WNT5A: variants seen among roughly 807,000 people sequenced by gnomAD.
WNT5A encodes the protein Wnt family member 5A.
WNT5A carries 9 observed loss-of-function variants against 42.1 expected under a neutral mutation model. That is an observed-to-expected ratio of 0.21 (90% CI 0.13 to 0.37). The LOEUF (loss-of-function observed/expected upper bound fraction) is 0.37. Among genes scored for constraint, WNT5A ranks in the 10% least tolerant of loss-of-function variants. WNT5A has a pLI of 1.00. For synonymous variants in WNT5A, 210 were observed against 210.0 expected (o/e 1.00, Z 0.00); for missense variants, 426 against 534.0 (o/e 0.80, Z 1.99).
At chr3:55,500,813 G>A in the WNT5A span, among the ~76,000 whole-genome samples, 16 of 152,322 alleles carry the variant, frequency 1.1e-4, no homozygotes, top group South Asian at 3.1e-3. Flanking sequence ...GTGATGACAA[G>A]TTCTGCTTTC....
the WNT5A span, among the ~76,000 whole-genome samples, chr3:55,499,990 AAAAAATT>A: frequency 2.0e-5 from 3 of 151,746 alleles, no homozygotes; most frequent in African/African-American, 7.3e-5. Flanking sequence ...CAAAAAAAAA[AAAAAATT>A]AAATTAAATT....
chr3:55,486,922 T>C, intron 1 of WNT5A, 58 bp downstream of exon 1: 4 of 1,401,572 alleles, frequency 2.9e-6, no homozygotes, highest in Non-Finnish European at 3.0e-6. Context: ...CTCAGTTAAC[T>C]TCCAACAGGG....
Position 55,483,071 on chromosome 3 carries a change from G to C in WNT5A, c.7-2153C>G, listed in dbSNP as rs1200102179. Among the ~76,000 whole-genome samples the C allele has an allele frequency of 1.3e-5, 2 of 152,180 alleles. No individual in the cohort carries two copies. Among genetic ancestry groups the C allele is most frequent in the East Asian group, 3.9e-4 (2 of 5,178 alleles). ...CAGCAGAGAAATTGATAACAGATTC[G>C]GCGGATTACAGCGGATCTCTTTGTT... On this transcript the variant is annotated intron_variant, in intron 1 of 4. Transcript: ENST00000264634. The surrounding 1 kb of genome is among the most constrained non-coding windows in gnomAD (Gnocchi z 4.2).
intron 4 of WNT5A, among the ~76,000 whole-genome samples, chr3:55,471,083 G>A (rs2051242242): frequency 6.6e-6 from 1 of 152,214 alleles, no homozygotes; most frequent in Non-Finnish European, 1.5e-5. Context: ...CAGCCGGTAA[G>A]TGCAGAATTG....
At chr3:55,496,298 G>A in the WNT5A span, among the ~76,000 whole-genome samples, 1 of 152,094 alleles carries the variant, frequency 6.6e-6, no homozygotes, top group Non-Finnish European at 1.5e-5. Context: ...ATCTATATGT[G>A]TCCATTAAGG....
intron 4 of WNT5A, among the ~76,000 whole-genome samples, chr3:55,473,376 G>T (rs1238856454): frequency 6.6e-6 from 1 of 152,134 alleles, no homozygotes; most frequent in Non-Finnish European, 1.5e-5. Context: ...AAAAAATAAT[G>T]GCCCTGGTTT....
intron 2 of WNT5A, 110 bp downstream of exon 2, chr3:55,480,675 C>A: frequency 8.6e-7 from 1 of 1,164,700 alleles, no homozygotes; most frequent in Non-Finnish European, 1.1e-6. Context: ...ATATGTCTTG[C>A]AATAAATACA....
chr3:55,471,402 A>C (rs2051249538), intron 4 of WNT5A, among the ~76,000 whole-genome samples: 1 of 152,124 alleles, frequency 6.6e-6, no homozygotes, highest in Admixed American at 6.5e-5. Context: ...AGCAACATAG[A>C]TTGTGTTCCT....
chr3:55,470,406 G>C lies in WNT5A; in HGVS notation c.829C>G (p.Arg277Gly). The C allele has an allele frequency of 6.2e-7, 1 of 1,613,102 alleles. No homozygotes were observed. Among genetic ancestry groups the C allele is most frequent in the Non-Finnish European group, 8.5e-7 (1 of 1,179,524 alleles). The part of the protein sequence containing the change: ...KEKYDSAAAM[R>G]LNSRGKLVQV... ...ACCAACTTGCCCCGGCTGTTGAGCC[G>C]CATGGCCGCCGCGCTGTCGTACTTC... is the stretch of plus-strand genomic sequence containing the variant. Residue 277 changes from arginine (R) to glycine (G), a missense_variant, in exon 5 of 5, where the codon CGG (arginine) becomes GGG (glycine). Arg to Gly is a moderately radical substitution (Grantham distance 125, BLOSUM62 -2). Transcript: ENST00000264634.
chr3:55,474,175 A>G (rs1333614326), intron 4 of WNT5A, among the ~76,000 whole-genome samples, 162 bp downstream of exon 4: 5 of 152,166 alleles, frequency 3.3e-5, no homozygotes, highest in Non-Finnish European at 7.4e-5. Context: ...AAAGACAGAG[A>G]AAGATAGGGA....
At chr3:55,489,566 C>A (rs1163739954), upstream of WNT5A, among the ~76,000 whole-genome samples, 4 of 152,068 alleles carry the variant, frequency 2.6e-5, no homozygotes, top group African/African-American at 9.7e-5. Flanking sequence ...TCCTTCCTGG[C>A]GCGCAAAGAT....
rs1449753219 is a variant in WNT5A at position 55,467,835 on chromosome 3, C to T, written c.*2257G>A. On this transcript the variant is annotated 3_prime_UTR_variant, in exon 5 of 5. Transcript: ENST00000264634. The stretch of plus-strand genomic sequence containing the variant: ...ATAAACATGAGTCACTAAAAAGGAA[C>T]AATCTGATTTAGCAAATAAAAAAAG... 2.0e-5 allele frequency: 3 copies of T among 152,028 alleles called. No homozygotes were observed. The highest frequency in any genetic ancestry group is 1.3e-4 in the Admixed American group (2 of 15,268). The allele number at this position is 152,028 out of a possible 1,614,324, so 9.4% of individuals were successfully genotyped here.
At chr3:55,489,952 C>G (rs1446707140), upstream of WNT5A, 1 of 152,338 alleles carries the variant, frequency 6.6e-6, no homozygotes, top group Non-Finnish European at 1.5e-5. Context: ...GACTGAGATT[C>G]CCTGGCTGCG....
At chr3:55,477,239 A>G (rs1363109461) in intron 3 of WNT5A, among the ~76,000 whole-genome samples, 2 of 152,230 alleles carry the variant, frequency 1.3e-5, no homozygotes, top group Non-Finnish European at 2.9e-5. Context: ...GTGAAAGCAA[A>G]GAAATTTTCC....
rs765621449 is a variant in WNT5A at position 55,486,969 on chromosome 3, T to A, written c.6+11A>T. 3 of 1,611,204 alleles carry A rather than the reference T, an allele frequency of 1.9e-6. No homozygotes were observed. The highest frequency in any genetic ancestry group is 2.5e-6 in the Non-Finnish European group (3 of 1,178,354). The stretch of plus-strand genomic sequence containing the variant: ...GTAAAGAAAAAAAGTGGCAGCGCAC[T>A]GAACACCTACCTTCATGGCGAGGGG... On this transcript the variant is annotated intron_variant, in intron 1 of 4. Transcript: ENST00000264634.
chr3:55,477,538 C>T (rs1174705107), intron 3 of WNT5A, among the ~76,000 whole-genome samples: 1 of 152,122 alleles, frequency 6.6e-6, no homozygotes, highest in Non-Finnish European at 1.5e-5. Context: ...CACTTCCCAT[C>T]GACCCAGACA....
In WNT5A at chr3:55,474,594, C is replaced by A. The variant is rs998033323; in HGVS notation, c.427G>T (p.Ala143Ser). 2.7e-6 allele frequency: 4 copies of A among 1,471,020 alleles called. No individual in the cohort carries two copies. Among genetic ancestry groups the A allele is most frequent in the Non-Finnish European group, 3.6e-6 (4 of 1,115,734 alleles). The allele number at this position is 1,471,020 out of a possible 1,614,324, so 91.1% of individuals were successfully genotyped here. ...CTCATGGCGTTCACCACCCCTGCTG[C>A]GCTCACCGCGTATGTGAAGGCCGTC... ...RETAFTYAVS[A>S]AGVVNAMSRA... is the part of the protein sequence containing the mutation. Residue 143 changes from alanine (A) to serine (S), a missense_variant, in exon 4 of 5, where the codon GCA (alanine) becomes TCA (serine). By Grantham distance (99) the Ala-to-Ser change is moderately conservative. Around this residue, in one of 3 missense-constraint regions of WNT5A, gnomAD observed 358 missense variants for 468.1 expected, o/e 0.76. Transcript: ENST00000264634.
the WNT5A span, among the ~76,000 whole-genome samples, chr3:55,505,004 C>T: frequency 7.3e-6 from 1 of 137,256 alleles, no homozygotes; most frequent in Admixed American, 7.0e-5. Flanking sequence ...AAGATTTGTT[C>T]CTGTAGCAGC....
chr3:55,497,355 C>T, the WNT5A span: 1 of 152,220 alleles, frequency 6.6e-6, no homozygotes, highest in South Asian at 2.1e-4. Context: ...GAAATCTGTC[C>T]AAAGGGGGTC....
Sources: allele counts gnomAD v4.1 joint callset (sites outside exome capture counted in the v4.1 genomes callset), GRCh38; gene constraint gnomAD v4.1.1; regional missense constraint gnomAD v4.1.1; non-coding constraint Gnocchi (gnomAD v3.1); transcripts MANE v1.5; gene names NCBI Gene and HGNC (gene_info 2026-07-23, HGNC 2026-07-21).